The following ATXN7L3B variants were observed in gnomAD, a reference collection of about 807,000 sequenced individuals.
ATXN7L3B encodes ataxin 7 like 3B.
In ATXN7L3B, 4 loss-of-function variants were observed where a neutral mutation model predicts 6.3. That is an observed-to-expected ratio of 0.63 (90% confidence interval 0.31 to 1.45). ATXN7L3B has a LOEUF of 1.45. Among genes scored for constraint, ATXN7L3B ranks in the 40% most tolerant of loss-of-function variants. ATXN7L3B has a pLI of 0.07. For missense variants in ATXN7L3B, 120 were observed against 118.5 expected (o/e 1.01, Z -0.06); for synonymous variants, 63 against 48.0 (o/e 1.31, Z -1.29).
Position 74,544,355 on chromosome 12 carries a change from T to C in ATXN7L3B, c.*5949T>C, listed in dbSNP as rs1423556418. The C allele has an allele frequency of 6.6e-6, 1 of 151,990 alleles. No individual in the cohort carries two copies. The highest frequency in any genetic ancestry group is 1.5e-5 in the Non-Finnish European group (1 of 67,858). The allele number at this position is 151,990 out of a possible 1,614,324, so 9.4% of individuals were successfully genotyped here. ...GAAGCAATCTGTATTACAATCCAAATAGATGTGCTCATGGAACTTGACAAA... is the reference window on the plus strand; with the variant it reads ...GAAGCAATCTGTATTACAATCCAAACAGATGTGCTCATGGAACTTGACAAA... On this transcript the variant is annotated 3_prime_UTR_variant, in exon 1 of 1. Transcript: ENST00000519948.
At position 74,538,524 on chromosome 12, in the gene ATXN7L3B, T is replaced by G. The variant is rs1868784128; in HGVS notation, c.*118T>G. On this transcript the variant is annotated 3_prime_UTR_variant, in exon 1 of 1. Coordinates refer to ENST00000519948, the MANE Select transcript of ATXN7L3B (RefSeq NM_001136262.2). Reference sequence around the variant, plus strand: ...TCAGACAAAAGTTTTAATTCCCCCTTGAAGATCCTAGCATTTAAAAACCCA... The same window carrying G: ...TCAGACAAAAGTTTTAATTCCCCCTGGAAGATCCTAGCATTTAAAAACCCA... The G allele has an allele frequency of 1.0e-6, 1 of 956,088 alleles. No individual in the cohort carries two copies. Among genetic ancestry groups the G allele is most frequent in the Non-Finnish European group, 1.5e-6 (1 of 648,822 alleles). 59.2% of individuals were successfully genotyped at this position (956,088 alleles called of 1,614,324 possible). A position where few individuals can be genotyped will look rare whatever the true frequency, so the allele number is the denominator to read the frequency against.
chr12:74,538,503 A>G lies in ATXN7L3B; in HGVS notation c.*97A>G, dbSNP rs1277551122. 2.5e-6 allele frequency: 3 copies of G among 1,178,820 alleles called. No individual in the cohort carries two copies. The highest frequency in any genetic ancestry group is 5.2e-5 in the East Asian group (2 of 38,764). The allele number at this position is 1,178,820 out of a possible 1,614,324, so 73.0% of individuals were successfully genotyped here. On this transcript the variant is annotated 3_prime_UTR_variant, in exon 1 of 1. Coordinates refer to ENST00000519948, the MANE Select transcript of ATXN7L3B (RefSeq NM_001136262.2). ...AAGTAGAAAAAAGTAGAAAAATCAG[A>G]CAAAAGTTTTAATTCCCCCTTGAAG...
chr12:74,545,118 T>C lies in ATXN7L3B; in HGVS notation c.*6712T>C, dbSNP rs912380265. The C allele has an allele frequency of 1.3e-5, 2 of 152,064 alleles. No individual in the cohort carries two copies. Among genetic ancestry groups the C allele is most frequent in the Non-Finnish European group, 2.9e-5 (2 of 67,920 alleles). 9.4% of individuals were successfully genotyped at this position (152,064 alleles called of 1,614,324 possible). On this transcript the variant is annotated 3_prime_UTR_variant, in exon 1 of 1. Transcript: ENST00000519948. ...CTTAAACTGCTAGTAGGCTGTAAAT[T>C]GGTAAAAAATGTTTTTAAAAGCAAT... is the stretch of plus-strand genomic sequence containing the variant.
At position 74,538,041 on chromosome 12, in the gene ATXN7L3B, G is replaced by T. The variant is rs1173968477; in HGVS notation, c.-72G>T. 6 of 1,475,184 alleles carry T rather than the reference G, an allele frequency of 4.1e-6. No individual in the cohort carries two copies. The African/African-American group carries it at 5.6e-5, about 14-fold the overall frequency. The allele number at this position is 1,475,184 out of a possible 1,614,324, so 91.4% of individuals were successfully genotyped here. ...CTGAAAGGCCTCTAGGCCTAGGCGC[G>T]GCCCGCGGAGCCAGACGTGTTGCTG... On this transcript the variant is annotated 5_prime_UTR_variant, in exon 1 of 1. Coordinates refer to ENST00000519948, the MANE Select transcript of ATXN7L3B (RefSeq NM_001136262.2).
Position 74,538,494 on chromosome 12 carries a change from A to G in ATXN7L3B, c.*88A>G. 1 of 1,252,318 alleles carries G rather than the reference A, an allele frequency of 8.0e-7. No homozygotes were observed. The highest frequency in any genetic ancestry group is 1.5e-5 in the African/African-American group (1 of 66,006). The allele number at this position is 1,252,318 out of a possible 1,614,324, so 77.6% of individuals were successfully genotyped here. Reference sequence around the variant, plus strand: ...GAGTAAGCTAAGTAGAAAAAAGTAGAAAAATCAGACAAAAGTTTTAATTCC... The same window carrying G: ...GAGTAAGCTAAGTAGAAAAAAGTAGGAAAATCAGACAAAAGTTTTAATTCC... On this transcript the variant is annotated 3_prime_UTR_variant, in exon 1 of 1. Coordinates refer to ENST00000519948, the MANE Select transcript of ATXN7L3B (RefSeq NM_001136262.2).
At position 74,540,073 on chromosome 12, in the gene ATXN7L3B, G is replaced by GTT. The variant is rs58069390; in HGVS notation, c.*1678_*1679dup. The GTT allele has an allele frequency of 0.019, 3,008 of 156,090 alleles. 48 individuals are homozygous for GTT. Among genetic ancestry groups the GTT allele is most frequent in the Middle Eastern group, 0.052 (15 of 286 alleles). 9.7% of individuals were successfully genotyped at this position (156,090 alleles called of 1,614,324 possible). Reference sequence around the variant, plus strand: ...CCCAATTTCTTTTTTCTTGGCCTCTGTTTTTTTTTTTTCTTTCTTTTTCCC... The same window carrying GTT: ...CCCAATTTCTTTTTTCTTGGCCTCTGTTTTTTTTTTTTTTCTTTCTTTTTCCC... On this transcript the variant is annotated 3_prime_UTR_variant, in exon 1 of 1. Coordinates refer to ENST00000519948, the MANE Select transcript of ATXN7L3B (RefSeq NM_001136262.2).
rs73190463 is a variant in ATXN7L3B, at chr12:74,540,809, C to A, written c.*2403C>A. 0.056 allele frequency: 9,379 copies of A among 167,122 alleles called. 364 individuals carry two copies. Among genetic ancestry groups the A allele is most frequent in the South Asian group, 0.12 (565 of 4,816 alleles). 10.4% of individuals were successfully genotyped at this position (167,122 alleles called of 1,614,324 possible). A position where few individuals can be genotyped will look rare whatever the true frequency, so the allele number is the denominator to read the frequency against. ...CCTGAAATTACTGTTTTCTTTCTGGCCTTTTCTCCTGGTTAGAGGAGGAAG... is the reference window on the plus strand; with the variant it reads ...CCTGAAATTACTGTTTTCTTTCTGGACTTTTCTCCTGGTTAGAGGAGGAAG... On this transcript the variant is annotated 3_prime_UTR_variant, in exon 1 of 1. Transcript: ENST00000519948.
chr12:74,543,774 T>C lies in ATXN7L3B; in HGVS notation c.*5368T>C, dbSNP rs539517135. The C allele has an allele frequency of 3.9e-5, 6 of 151,918 alleles. No individual in the cohort carries two copies. The highest frequency in any genetic ancestry group is 1.4e-4 in the African/African-American group (6 of 41,476). The allele number at this position is 151,918 out of a possible 1,614,324, so 9.4% of individuals were successfully genotyped here. On this transcript the variant is annotated 3_prime_UTR_variant, in exon 1 of 1. Coordinates refer to ENST00000519948, the MANE Select transcript of ATXN7L3B (RefSeq NM_001136262.2). Reference sequence around the variant, plus strand: ...GATACTGAAAAATAGTTTGAAAAAATTCAATACGAATTATTGCCTAAAAAA... The same window carrying C: ...GATACTGAAAAATAGTTTGAAAAAACTCAATACGAATTATTGCCTAAAAAA...
At position 74,542,214 on chromosome 12, in the gene ATXN7L3B, C is replaced by T. The variant is rs781279539; in HGVS notation, c.*3808C>T. On this transcript the variant is annotated 3_prime_UTR_variant, in exon 1 of 1. Coordinates refer to ENST00000519948, the MANE Select transcript of ATXN7L3B (RefSeq NM_001136262.2). ...ACTGTCCAGTTTAAATAGGCCAGGG[C>T]CAACGTGGTGATTTGAGAAAACTTA... 10 of 152,106 alleles carry T rather than the reference C, an allele frequency of 6.6e-5. No individual in the cohort carries two copies. The highest frequency in any genetic ancestry group is 5.2e-4 in the Admixed American group (8 of 15,268). 9.4% of individuals were successfully genotyped at this position (152,106 alleles called of 1,614,324 possible).
rs1398979618 is a variant in ATXN7L3B, at chr12:74,539,925, G to GC, written c.*1522dup. The GC allele has an allele frequency of 1.2e-5, 2 of 167,456 alleles. No individual in the cohort carries two copies. Among genetic ancestry groups the GC allele is most frequent in the African/African-American group, 4.8e-5 (2 of 41,444 alleles). 10.4% of individuals were successfully genotyped at this position (167,456 alleles called of 1,614,324 possible). A position where few individuals can be genotyped will look rare whatever the true frequency, so the allele number is the denominator to read the frequency against. On this transcript the variant is annotated 3_prime_UTR_variant, in exon 1 of 1. Transcript: ENST00000519948. The stretch of plus-strand genomic sequence containing the variant: ...GGTCCAGCCTCATCTGTCTGGCTTG[G>GC]CCCTGTGTTCCTCCTGTCCCCTGCT...
At position 74,541,035 on chromosome 12, in the gene ATXN7L3B, T is replaced by TC. The variant is rs1223643856; in HGVS notation, c.*2632dup. On this transcript the variant is annotated 3_prime_UTR_variant, in exon 1 of 1. Transcript: ENST00000519948. ...TATAGTTGACAGTGGTTAGGAACTCTCCCTTTCCCTACCTACCTTCCTTTT... is the reference window on the plus strand; with the variant it reads ...TATAGTTGACAGTGGTTAGGAACTCTCCCCTTTCCCTACCTACCTTCCTTTT... 2 of 166,978 alleles carry TC rather than the reference T, an allele frequency of 1.2e-5. No individual in the cohort carries two copies. Among genetic ancestry groups the TC allele is most frequent in the Non-Finnish European group, 2.9e-5 (2 of 68,178 alleles). The allele number at this position is 166,978 out of a possible 1,614,324, so 10.3% of individuals were successfully genotyped here. A position where few individuals can be genotyped will look rare whatever the true frequency, so the allele number is the denominator to read the frequency against.
At position 74,541,278 on chromosome 12, in the gene ATXN7L3B, G is replaced by A. The variant is rs984975404; in HGVS notation, c.*2872G>A. 2 of 166,900 alleles carry A rather than the reference G, an allele frequency of 1.2e-5. No homozygotes were observed. Among genetic ancestry groups the A allele is most frequent in the African/African-American group, 2.4e-5 (1 of 41,392 alleles). The allele number at this position is 166,900 out of a possible 1,614,324, so 10.3% of individuals were successfully genotyped here. On this transcript the variant is annotated 3_prime_UTR_variant, in exon 1 of 1. Transcript: ENST00000519948. Reference sequence around the variant, plus strand: ...GGCATTATCGCATGCTGGGATCATCGGGGGAGGGTAGTGAAGCTCACCACT... The same window carrying A: ...GGCATTATCGCATGCTGGGATCATCAGGGGAGGGTAGTGAAGCTCACCACT...
At position 74,542,081 on chromosome 12, in the gene ATXN7L3B, G is replaced by A. The variant is rs1292129508; in HGVS notation, c.*3675G>A. 4 of 152,156 alleles carry A rather than the reference G, an allele frequency of 2.6e-5. No individual in the cohort carries two copies. The highest frequency in any genetic ancestry group is 5.9e-5 in the Non-Finnish European group (4 of 68,022). The allele number at this position is 152,156 out of a possible 1,614,324, so 9.4% of individuals were successfully genotyped here. On this transcript the variant is annotated 3_prime_UTR_variant, in exon 1 of 1. Transcript: ENST00000519948. The stretch of plus-strand genomic sequence containing the variant: ...AATACTGAGATTAATAAAAATTACA[G>A]AAATGAGTCCAGAGAAGAATCTGAC...
rs1868806326 is a variant in ATXN7L3B at position 74,538,959 on chromosome 12, T to C, written c.*553T>C. On this transcript the variant is annotated 3_prime_UTR_variant, in exon 1 of 1. Transcript: ENST00000519948. ...AAATCCAAGAAAAAGAATTATCAAG[T>C]TTGATAGGGAAGCTCTGTAGCCTTG... is the stretch of plus-strand genomic sequence containing the variant. 1 of 169,758 alleles carries C rather than the reference T, an allele frequency of 5.9e-6. No individual in the cohort carries two copies. Among genetic ancestry groups the C allele is most frequent in the Non-Finnish European group, 1.4e-5 (1 of 69,794 alleles). The allele number at this position is 169,758 out of a possible 1,614,324, so 10.5% of individuals were successfully genotyped here.
rs1186303418 is a variant in ATXN7L3B, at chr12:74,539,447, C to G, written c.*1041C>G. 1 of 167,268 alleles carries G rather than the reference C, an allele frequency of 6.0e-6. No individual in the cohort carries two copies. Among genetic ancestry groups the G allele is most frequent in the Non-Finnish European group, 1.5e-5 (1 of 68,314 alleles). The allele number at this position is 167,268 out of a possible 1,614,324, so 10.4% of individuals were successfully genotyped here. A position where few individuals can be genotyped will look rare whatever the true frequency, so the allele number is the denominator to read the frequency against. ...GAAAACTGAGCCCAGAGGGCACTTT[C>G]AGCTGCCCTCAATAATGTGAATGGA... On this transcript the variant is annotated 3_prime_UTR_variant, in exon 1 of 1. Coordinates refer to ENST00000519948, the MANE Select transcript of ATXN7L3B (RefSeq NM_001136262.2).
rs1370369222 is a variant in ATXN7L3B at position 74,537,930 on chromosome 12, A to G, written c.-183A>G. The G allele has an allele frequency of 3.3e-6, 2 of 612,716 alleles. No individual in the cohort carries two copies. The highest frequency in any genetic ancestry group is 3.7e-5 in the African/African-American group (2 of 54,030). 38.0% of individuals were successfully genotyped at this position (612,716 alleles called of 1,614,324 possible). On this transcript the variant is annotated 5_prime_UTR_variant, in exon 1 of 1. Coordinates refer to ENST00000519948, the MANE Select transcript of ATXN7L3B (RefSeq NM_001136262.2). Reference sequence around the variant, plus strand: ...ACCCGGGAAACGTCAAAACAAACAGAAGGACTTGGGATTCCGGAGCAGTCG... The same window carrying G: ...ACCCGGGAAACGTCAAAACAAACAGGAGGACTTGGGATTCCGGAGCAGTCG...
rs1305702428 is a variant in ATXN7L3B, at chr12:74,539,669, A to G, written c.*1263A>G. ...GTCCCCTTTGGATCTTCTTGACAACAGGAGCAGTCCTTTTATTGTTAGAAG... is the reference window on the plus strand; with the variant it reads ...GTCCCCTTTGGATCTTCTTGACAACGGGAGCAGTCCTTTTATTGTTAGAAG... On this transcript the variant is annotated 3_prime_UTR_variant, in exon 1 of 1. Transcript: ENST00000519948. The G allele has an allele frequency of 1.2e-5, 2 of 167,128 alleles. No individual in the cohort carries two copies. Among genetic ancestry groups the G allele is most frequent in the South Asian group, 2.1e-4 (1 of 4,830 alleles). 10.4% of individuals were successfully genotyped at this position (167,128 alleles called of 1,614,324 possible). A position where few individuals can be genotyped will look rare whatever the true frequency, so the allele number is the denominator to read the frequency against.
In ATXN7L3B at chr12:74,544,868, A is replaced by G. The variant is rs1868984596; in HGVS notation, c.*6462A>G. The G allele has an allele frequency of 1.3e-5, 2 of 152,066 alleles. No individual in the cohort carries two copies. Among genetic ancestry groups the G allele is most frequent in the African/African-American group, 4.8e-5 (2 of 41,446 alleles). The allele number at this position is 152,066 out of a possible 1,614,324, so 9.4% of individuals were successfully genotyped here. ...AGTTGTTTAGTTCTTATAACTGATT[A>G]AAGATTACTAACAAAATAGTTGTAC... On this transcript the variant is annotated 3_prime_UTR_variant, in exon 1 of 1. Coordinates refer to ENST00000519948, the MANE Select transcript of ATXN7L3B (RefSeq NM_001136262.2).
rs1423815422 is a variant in ATXN7L3B at position 74,544,171 on chromosome 12, G to A, written c.*5765G>A. On this transcript the variant is annotated 3_prime_UTR_variant, in exon 1 of 1. Transcript: ENST00000519948. ...TTAAATTTAGAATGTAATTCAACAA[G>A]TTATAACAGTCCTATGAAATAATAT... The A allele has an allele frequency of 1.3e-5, 2 of 151,982 alleles. No homozygotes were observed. Among genetic ancestry groups the A allele is most frequent in the Admixed American group, 1.3e-4 (2 of 15,278 alleles). 9.4% of individuals were successfully genotyped at this position (151,982 alleles called of 1,614,324 possible).
Sources: gnomAD v4.1 joint callset for allele counts on GRCh38, gnomAD v4.1.1 for gene constraint, MANE v1.5 for transcripts, NCBI Gene and HGNC (gene_info 2026-07-23, HGNC 2026-07-21) for gene names.